Variants in TSPAN32 observed in about 807,000 individuals in gnomAD.
TSPAN32 encodes tetraspanin 32.
A neutral mutation model predicts 42.7 loss-of-function variants in TSPAN32; 47 were observed. That is an observed-to-expected ratio of 1.10 (90% confidence interval 0.87 to 1.40). The LOEUF (loss-of-function observed/expected upper bound fraction) is 1.40. Among genes scored for constraint, TSPAN32 ranks in the 40% most tolerant of loss-of-function variants. TSPAN32 has a pLI of 0.00. For synonymous variants in TSPAN32, 175 were observed against 175.9 expected (o/e 0.99, Z 0.04); for missense variants, 469 against 424.1 (o/e 1.11, Z -0.93).
chr11:2,302,792 CT>C, intron 1 of TSPAN32, 51 bp from the exon 2 acceptor site: 7 of 1,520,634 alleles, frequency 4.6e-6, no homozygotes, highest in Non-Finnish European at 6.4e-6. Context: ...GCCGAGCTCC[CT>C]GCTCCTGCAG....
intron 5 of TSPAN32, 103 bp from the exon 6 acceptor site, chr11:2,314,382 A>C: frequency 1.1e-6 from 1 of 926,172 alleles, no homozygotes; most frequent in South Asian, 1.4e-5. Flanking sequence ...GCCTGCAGGG[A>C]ACCCCACCTG....
intron 3 of TSPAN32, among the ~76,000 whole-genome samples, chr11:2,307,487 A>G (rs1277934106): frequency 3.3e-5 from 5 of 152,100 alleles, no homozygotes; most frequent in Admixed American, 3.3e-4. Context: ...ACTCACCGTC[A>G]GGTACTCCAG....
rs546656695 is a variant in TSPAN32, at chr11:2,308,842, A to C, written c.354+32A>C. On this transcript the variant is annotated intron_variant, in intron 4 of 9. Coordinates refer to ENST00000182290, the MANE Select transcript of TSPAN32 (RefSeq NM_139022.3). ...ACCAGCTGCCCCTACCCTGCAGTGG[A>C]GGGTCCCCCAGTAAGCCAGTGGGCA... 5.4e-5 allele frequency: 79 copies of C among 1,459,766 alleles called. 1 individual carries two copies. In the Admixed American group the frequency reaches 6.2e-4, roughly 11 times the overall value. The allele number at this position is 1,459,766 out of a possible 1,614,324, so 90.4% of individuals were successfully genotyped here. A position where few individuals can be genotyped will look rare whatever the true frequency, so the allele number is the denominator to read the frequency against.
chr11:2,315,605 C>T, intron 6 of TSPAN32: 2 of 1,180,762 alleles, frequency 1.7e-6, no homozygotes, highest in Non-Finnish European at 2.1e-6. Flanking sequence ...GGGAGGCAGA[C>T]CTGCCTGCGG....
At chr11:2,314,186 A>AAAG (rs1276592923) in intron 5 of TSPAN32, among the ~76,000 whole-genome samples, 13 of 151,954 alleles carry the variant, frequency 8.6e-5, no homozygotes, top group African/African-American at 3.1e-4. Flanking sequence ...AAAGAAAAGA[A>AAAG]AAAATAAAAG....
chr11:2,312,757 T>C (rs7936857), intron 4 of TSPAN32, among the ~76,000 whole-genome samples: 3,794 of 152,196 alleles, frequency 0.025, 163 homozygotes, highest in African/African-American at 0.084. Context: ...CCCCAGCCCT[T>C]TGGGGCAGCT....
chr11:2,317,526 G>C lies in TSPAN32; in HGVS notation c.901+1G>C, dbSNP rs751517268. On this transcript the variant is annotated splice_donor_variant, in intron 9 of 9. Coordinates refer to ENST00000182290, the MANE Select transcript of TSPAN32 (RefSeq NM_139022.3). LOFTEE classifies it high-confidence loss of function. This position sits in a 1 kb window ranked among gnomAD's most constrained non-coding sequence, Gnocchi z 6.2. ...TCCTGCCACCTGGCTGCCCACAGAG[G>C]TGAAGACGCCCCTGCTGTCAGCCCT... The C allele has an allele frequency of 6.3e-7, 1 of 1,575,600 alleles. No homozygotes were observed. Among genetic ancestry groups the C allele is most frequent in the Non-Finnish European group, 8.6e-7 (1 of 1,163,490 alleles).
chr11:2,316,056 G>C, intron 6 of TSPAN32, 173 bp from the exon 7 acceptor site: 2 of 1,534,260 alleles, frequency 1.3e-6, no homozygotes, highest in Non-Finnish European at 1.7e-6. Flanking sequence ...TCACCTGCTC[G>C]TGCTGCCTTT....
intron 4 of TSPAN32, chr11:2,309,494 C>T (rs2133328672): frequency 5.0e-6 from 2 of 397,684 alleles, no homozygotes. Context: ...CCACCTTCCC[C>T]TTGAGAGCCA....
Position 2,304,493 on chromosome 11 carries a change from T to C in TSPAN32, c.279+289T>C, listed in dbSNP as rs1306529359. On this transcript the variant is annotated intron_variant, in intron 3 of 9. Coordinates refer to ENST00000182290, the MANE Select transcript of TSPAN32 (RefSeq NM_139022.3). This position sits in a 1 kb window ranked among gnomAD's most constrained non-coding sequence, Gnocchi z 4.8. ...TCTACACGCCCAACAAGGGTTCCTA[T>C]AGGAGCTCTGAAAGAGAGAGACGGC... Among the ~76,000 whole-genome samples, 1 of 151,556 alleles carries C rather than the reference T, an allele frequency of 6.6e-6. No homozygotes were observed.
At position 2,304,466 on chromosome 11, in the gene TSPAN32, C is replaced by A. The variant is rs980517470; in HGVS notation, c.279+262C>A. ...TCCACCAGGCCCTACCTCACCCTGT[C>A]ATCTACACGCCCAACAAGGGTTCCT... On this transcript the variant is annotated intron_variant, in intron 3 of 9. Coordinates refer to ENST00000182290, the MANE Select transcript of TSPAN32 (RefSeq NM_139022.3). The surrounding 1 kb of genome is among the most constrained non-coding windows in gnomAD (Gnocchi z 4.8). Among the ~76,000 whole-genome samples, 1 of 150,536 alleles carries A rather than the reference C, an allele frequency of 6.6e-6. No homozygotes were observed. Among genetic ancestry groups the A allele is most frequent in the Non-Finnish European group, 1.5e-5 (1 of 67,484 alleles).
Position 2,317,354 on chromosome 11 carries a change from C to T in TSPAN32, c.730C>T (p.Arg244Cys), listed in dbSNP as rs375291522. 28 of 1,591,098 alleles carry T rather than the reference C, an allele frequency of 1.8e-5. No individual in the cohort carries two copies. The highest frequency in any genetic ancestry group is 3.3e-4 in the Middle Eastern group (2 of 6,054). Residue 244 changes from arginine to cysteine, a missense_variant, in exon 9 of 10, where the codon CGC becomes TGC. Coordinates refer to ENST00000182290, the MANE Select transcript of TSPAN32 (RefSeq NM_139022.3). This position sits in a 1 kb window ranked among gnomAD's most constrained non-coding sequence, Gnocchi z 6.2. ...CCCCTTGCTCCTCAGAGCATGTGGCCGCCAGCCCCAGGAGCCCAGCCTCTT... is the reference window on the plus strand; with the variant it reads ...CCCCTTGCTCCTCAGAGCATGTGGCTGCCAGCCCCAGGAGCCCAGCCTCTT... ...KYTLTPRACG[R>C]QPQEPSLLRC...
intron 3 of TSPAN32, among the ~76,000 whole-genome samples, chr11:2,306,310 A>C (rs542242637): frequency 6.6e-6 from 1 of 151,974 alleles, no homozygotes; most frequent in African/African-American, 2.4e-5. Context: ...CCTCTCGCAC[A>C]GGAAATGAAA....
chr11:2,309,666 G>A (rs183135508), intron 4 of TSPAN32, among the ~76,000 whole-genome samples: 164 of 152,350 alleles, frequency 1.1e-3, no homozygotes, highest in Middle Eastern at 3.4e-3. Context: ...GGTTGCCCAG[G>A]GCCCTCAAAC....
In TSPAN32 at chr11:2,306,544, GGAGA is replaced by G. The variant is rs34446612; in HGVS notation, c.280-2185_280-2182del. Among the ~76,000 whole-genome samples, 259 of 149,936 alleles carry G rather than the reference GGAGA, an allele frequency of 1.7e-3. 2 individuals are homozygous for G. The highest frequency in any genetic ancestry group is 5.8e-3 in the African/African-American group (236 of 40,378). On this transcript the variant is annotated intron_variant, in intron 3 of 9. Coordinates refer to ENST00000182290, the MANE Select transcript of TSPAN32 (RefSeq NM_139022.3). The stretch of plus-strand genomic sequence containing the variant: ...TCTGCGCGGGAGGTTGGTGGTGGGG[GGAGA>G]GAGAGAAAGAGAGAAAGAGAGAAAG...
At chr11:2,312,472 C>T (rs576230096) in intron 4 of TSPAN32, among the ~76,000 whole-genome samples, 24 of 152,308 alleles carry the variant, frequency 1.6e-4, no homozygotes, top group Non-Finnish European at 2.8e-4. Context: ...GGATGACTCA[C>T]GGAGAGTGGT....
chr11:2,308,876 C>A, intron 4 of TSPAN32, 66 bp downstream of exon 4: 1 of 1,115,990 alleles, frequency 9.0e-7, no homozygotes, highest in Non-Finnish European at 1.3e-6. Context: ...CACCTGGGGA[C>A]TGGGGAGCAG....
At position 2,304,842 on chromosome 11, in the gene TSPAN32, C is replaced by G. The variant is rs1378576843; in HGVS notation, c.279+638C>G. Among the ~76,000 whole-genome samples, 1 of 152,114 alleles carries G rather than the reference C, an allele frequency of 6.6e-6. No homozygotes were observed. The highest frequency in any genetic ancestry group is 2.4e-5 in the African/African-American group (1 of 41,436). ...CTGCCACTCGATGGTCATCGCAGAC[C>G]CCACCTGGCGGCAGCCTCCCCACGC... is the stretch of plus-strand genomic sequence containing the variant. On this transcript the variant is annotated intron_variant, in intron 3 of 9. Transcript: ENST00000182290. The surrounding 1 kb of genome is among the most constrained non-coding windows in gnomAD (Gnocchi z 4.8).
intron 3 of TSPAN32, among the ~76,000 whole-genome samples, chr11:2,305,157 G>T (rs1396163032): frequency 6.6e-6 from 1 of 152,246 alleles, no homozygotes; most frequent in Non-Finnish European, 1.5e-5. Context: ...ATGTCTCCAA[G>T]AATAGGAATA....
Sources: allele counts gnomAD v4.1 joint callset (sites outside exome capture counted in the v4.1 genomes callset), GRCh38; gene constraint gnomAD v4.1.1; non-coding constraint Gnocchi (gnomAD v3.1); transcripts MANE v1.5; gene names NCBI Gene and HGNC (gene_info 2026-07-23, HGNC 2026-07-21).